Variants in TMEM225B observed in about 807,000 individuals in gnomAD.
The protein encoded by TMEM225B is transmembrane protein 225-like.
Under a neutral mutation model 16.9 loss-of-function variants are expected in TMEM225B, and 10 were observed. That is an observed-to-expected ratio of 0.59 (90% confidence interval 0.36 to 1.00). The LOEUF is 1.00. TMEM225B is among the 50% of genes least tolerant of loss of function. The pLI, the probability that TMEM225B is intolerant of heterozygous loss-of-function variation, is 0.01. For missense variants in TMEM225B, 217 were observed against 267.0 expected (o/e 0.81, Z 1.30); for synonymous variants, 92 against 109.8 (o/e 0.84, Z 1.01).
At chr7:99,602,586 G>A (rs562658488) in intron 2 of TMEM225B, among the ~76,000 whole-genome samples, 2 of 152,270 alleles carry the variant, frequency 1.3e-5, no homozygotes, top group East Asian at 3.9e-4. Flanking sequence ...GATGGGGAAA[G>A]CAAGGTCCTG....
intron 2 of TMEM225B, among the ~76,000 whole-genome samples, chr7:99,600,652 T>C (rs1230847861): frequency 6.6e-6 from 1 of 152,150 alleles, no homozygotes; most frequent in Non-Finnish European, 1.5e-5. Flanking sequence ...GTGAGACTTA[T>C]TCACTACCAC....
Position 99,604,532 on chromosome 7 carries a change from CT to C in TMEM225B, c.149del (p.Phe50SerfsTer44). ...TGACAAACGAGGAGTCCCACGAAGT[CT>C]TTTTCAGTGGCCTATTTGAGAACTG... is the stretch of plus-strand genomic sequence containing the variant. ...RLTNEESHEVFFSGLFENCFN... is the reference protein window; with the variant it reads ...RLTNEESHEVXFSGLFENCFN... On this transcript the variant is annotated frameshift_variant, in exon 3 of 6. Transcript: ENST00000431679. LOFTEE classifies it high-confidence loss of function. 6.5e-7 allele frequency: 1 copy of C among 1,536,122 alleles called. No individual in the cohort carries two copies. Among genetic ancestry groups the C allele is most frequent in the Non-Finnish European group, 8.7e-7 (1 of 1,146,906 alleles).
At chr7:99,604,120 C>T (rs560050098) in intron 2 of TMEM225B, among the ~76,000 whole-genome samples, 26 of 152,232 alleles carry the variant, frequency 1.7e-4, no homozygotes, top group African/African-American at 6.0e-4. Context: ...CTCAGTTTAC[C>T]AGAGGAAGAG....
intron 3 of TMEM225B, 29 bp from the exon 4 acceptor site, chr7:99,606,719 C>T (rs1039339203): frequency 6.5e-7 from 1 of 1,534,224 alleles, no homozygotes; most frequent in African/African-American, 1.4e-5. Flanking sequence ...GGGTTCCCAG[C>T]TTCAGCCCCA....
chr7:99,609,941 C>T (rs1377006693), intron 5 of TMEM225B, among the ~76,000 whole-genome samples: 4 of 152,144 alleles, frequency 2.6e-5, no homozygotes, highest in African/African-American at 4.8e-5. Flanking sequence ...CTTGCTATGT[C>T]GCCCATGATG....
rs1584316741 is a variant in TMEM225B at position 99,606,809 on chromosome 7, C to T, written c.270C>T (p.Thr90=). The T allele has an allele frequency of 6.5e-7, 1 of 1,535,674 alleles. No individual in the cohort carries two copies. The change falls in exon 4 of 6, where the codon ACC becomes ACT. Residue 90 remains threonine, a synonymous_variant. Coordinates refer to ENST00000431679, the MANE Select transcript of TMEM225B (RefSeq NM_001195541.3). ...CAGTTTTCTTGGCTTTCGTCACCAC[C>T]TTCATCATGATGCCCTTTGCATCCG... ...LSAVFLAFVT[T]FIMMPFASEF...
chr7:99,601,893 G>A (rs1028682919), intron 2 of TMEM225B, among the ~76,000 whole-genome samples: 19 of 152,230 alleles, frequency 1.2e-4, no homozygotes, highest in African/African-American at 4.6e-4. Context: ...ATGGGGATTG[G>A]GTAGAGGCCC....
chr7:99,599,319 C>T (rs1805142251), intron 1 of TMEM225B, among the ~76,000 whole-genome samples: 1 of 152,054 alleles, frequency 6.6e-6, no homozygotes, highest in Non-Finnish European at 1.5e-5. Flanking sequence ...CGTGGGGCCT[C>T]ATGCCTGTAA....
chr7:99,598,223 C>G (rs1481148795), upstream of TMEM225B: 1 of 152,316 alleles, frequency 6.6e-6, no homozygotes, highest in African/African-American at 2.4e-5. Flanking sequence ...TCAGTGGGCT[C>G]CTCCCCCGGG....
chr7:99,608,734 TACAC>T (rs35501095), intron 5 of TMEM225B, among the ~76,000 whole-genome samples: 13,683 of 113,504 alleles, frequency 0.12, 1,038 homozygotes, highest in East Asian at 0.29. Flanking sequence ...TATATATATA[TACAC>T]ACACACACAC....
In TMEM225B at chr7:99,609,324, T is replaced by A. The variant is rs545497141; in HGVS notation, c.494-1069T>A. Among the ~76,000 whole-genome samples, 3 of 152,356 alleles carry A rather than the reference T, an allele frequency of 2.0e-5. No individual in the cohort carries two copies. In the East Asian group the frequency reaches 5.8e-4, roughly 29 times the overall value. ...GTTCTCTCACATTTTATTTAAAATT[T>A]TTGTGGCTTTTAGTGGTAGAGTAGT... is the stretch of plus-strand genomic sequence containing the variant. On this transcript the variant is annotated intron_variant, in intron 5 of 5. Transcript: ENST00000431679.
At chr7:99,599,125 A>ATTTTTTTTTTTTTTTT (rs769617190) in intron 1 of TMEM225B, among the ~76,000 whole-genome samples, 3 of 115,508 alleles carry the variant, frequency 2.6e-5, no homozygotes, top group African/African-American at 7.2e-5. Context: ...CGCCTGGCTA[A>ATTTTTTTTTTTTTTTT]TTTTTTTTTT....
chr7:99,610,622 G>C lies in TMEM225B; in HGVS notation c.*57G>C, dbSNP rs1439493552. On this transcript the variant is annotated 3_prime_UTR_variant, in exon 6 of 6. Coordinates refer to ENST00000431679, the MANE Select transcript of TMEM225B (RefSeq NM_001195541.3). ...GCCATGTGAGTGTACACATGTAGCT[G>C]TTTGTAGTCCTCCCCACCCTCTCTG... 6.8e-6 allele frequency: 10 copies of C among 1,471,908 alleles called. No homozygotes were observed. The African/African-American group carries it at 9.7e-5, about 14-fold the overall frequency. The allele number at this position is 1,471,908 out of a possible 1,614,324, so 91.2% of individuals were successfully genotyped here.
At chr7:99,605,827 A>G (rs866234080) in intron 3 of TMEM225B, among the ~76,000 whole-genome samples, 51 of 152,160 alleles carry the variant, frequency 3.4e-4, no homozygotes, top group African/African-American at 8.7e-4. Flanking sequence ...GCCTCAGGCA[A>G]TCCTCCCACG....
intron 5 of TMEM225B, among the ~76,000 whole-genome samples, chr7:99,608,547 C>CTTTTT (rs542884054): frequency 7.8e-6 from 1 of 128,830 alleles, no homozygotes; most frequent in Admixed American, 8.1e-5. Flanking sequence ...CTGTCTCTAC[C>CTTTTT]TTTTTTTTTT....
intron 3 of TMEM225B, 31 bp downstream of exon 3, chr7:99,604,627 G>T: frequency 6.7e-7 from 1 of 1,498,792 alleles, no homozygotes; most frequent in South Asian, 1.2e-5. Context: ...GGAGGAGAGA[G>T]AGGGAGATGG....
At position 99,607,752 on chromosome 7, in the gene TMEM225B, C is replaced by A. The variant is rs1805946640; in HGVS notation, c.435C>A (p.Phe145Leu). The A allele has an allele frequency of 6.5e-7, 1 of 1,535,966 alleles. No homozygotes were observed. Among genetic ancestry groups the A allele is most frequent in the African/African-American group, 1.4e-5 (1 of 73,030 alleles). The change falls in exon 5 of 6, where the codon TTC (phenylalanine) becomes TTA (leucine). Residue 145 changes from phenylalanine (F) to leucine (L), a missense_variant. Transcript: ENST00000431679. The stretch of plus-strand genomic sequence containing the variant: ...GGATGAAGCTCGGCCCCCTGCAGTT[C>A]TCCGTGCTGTGGCCTTACTACGTGC... Reference protein sequence around the residue: ...ALRMKLGPLQFSVLWPYYVLG... With the variant: ...ALRMKLGPLQLSVLWPYYVLG...
Position 99,600,281 on chromosome 7 carries a change from G to C in TMEM225B, c.-8G>C, listed in dbSNP as rs993137000. ...CATTGGCCTACATTGGGAGTGGGGC[G>C]ACCTGTAAGTGCACAGTGAATTTTT... is the stretch of plus-strand genomic sequence containing the variant. On this transcript the variant is annotated 5_prime_UTR_variant, in exon 2 of 6. Coordinates refer to ENST00000431679, the MANE Select transcript of TMEM225B (RefSeq NM_001195541.3). 1.4e-6 allele frequency: 1 copy of C among 702,768 alleles called. No homozygotes were observed. The highest frequency in any genetic ancestry group is 2.6e-6 in the Non-Finnish European group (1 of 384,966). The allele number at this position is 702,768 out of a possible 1,614,324, so 43.5% of individuals were successfully genotyped here.
intron 5 of TMEM225B, 83 bp downstream of exon 5, chr7:99,607,893 TTC>T (rs1805962883): frequency 7.1e-7 from 1 of 1,417,572 alleles, no homozygotes; most frequent in Non-Finnish European, 9.4e-7. Context: ...TCCCTTTGGA[TTC>T]TCTAGAATTG....
Sources: gnomAD v4.1 joint callset for allele counts (sites outside exome capture counted in the v4.1 genomes callset) on GRCh38, gnomAD v4.1.1 for gene constraint, MANE v1.5 for transcripts, NCBI Gene and HGNC (gene_info 2026-07-23, HGNC 2026-07-21) for gene names.